SLMAP: variants seen among roughly 807,000 people sequenced by gnomAD.
SLMAP encodes sarcolemmal membrane-associated protein.
SLMAP carries 44 observed loss-of-function variants against 128.8 expected under a neutral mutation model. That is an observed-to-expected ratio of 0.34 (90% CI 0.27 to 0.44). SLMAP has a LOEUF of 0.44. Ranked by LOEUF, SLMAP falls within the 20% of genes least tolerant of loss-of-function variation. The pLI is 1.00. For synonymous variants in SLMAP, 327 were observed against 348.8 expected, an observed-to-expected ratio of 0.94 and a Z score of 0.70; for missense variants, 787 against 985.3, an observed-to-expected ratio of 0.80 and a Z score of 2.69.
intron 22 of SLMAP, 27 bp downstream of exon 22, chr3:57,917,104 A>T: frequency 1.9e-6 from 3 of 1,613,026 alleles, no homozygotes; most frequent in Non-Finnish European, 2.5e-6. Context: ...TTATGAGCCC[A>T]ATTATGGTTG....
intron 17 of SLMAP, among the ~76,000 whole-genome samples, chr3:57,902,664 A>G (rs967759136): frequency 6.6e-6 from 1 of 152,198 alleles, no homozygotes; most frequent in African/African-American, 2.4e-5. Flanking sequence ...GGCCTGAGAC[A>G]TTAAATATGG....
At chr3:57,764,516 AAG>A (rs1210550564) in intron 2 of SLMAP, among the ~76,000 whole-genome samples, 91 of 152,002 alleles carry the variant, frequency 6.0e-4, no homozygotes, top group African/African-American at 1.8e-3. Context: ...AAAAAAAGAA[AAG>A]AAAAGAAAGA....
intron 3 of SLMAP, among the ~76,000 whole-genome samples, chr3:57,839,535 G>T (rs1261246788): frequency 6.8e-6 from 1 of 147,050 alleles, no homozygotes; most frequent in Non-Finnish European, 1.5e-5. Context: ...TCGCCTCCCA[G>T]GTTCAAGCAG....
rs1044662781 is a variant in SLMAP, at chr3:57,868,836, T to A, written c.1238-2800T>A. Among the ~76,000 whole-genome samples the A allele has an allele frequency of 5.8e-3, 816 of 139,634 alleles. 6 individuals are homozygous for A. Among genetic ancestry groups the A allele is most frequent in the Non-Finnish European group, 0.01 (689 of 65,844 alleles). 91.6% of individuals were successfully genotyped at this position (139,634 alleles called of 152,430 possible). On this transcript the variant is annotated intron_variant, in intron 13 of 24. Coordinates refer to ENST00000671191, the MANE Select transcript of SLMAP (RefSeq NM_001377540.1). ...TATATATATATAAAATATATATATG[T>A]GTATTATATATAAAAATATATATTA...
At chr3:57,776,841 T>C (rs2082055547) in intron 2 of SLMAP, among the ~76,000 whole-genome samples, 1 of 152,078 alleles carries the variant, frequency 6.6e-6, no homozygotes, top group South Asian at 2.1e-4. Context: ...GTTTATTCTC[T>C]TAATATTTTG....
At chr3:57,802,574 G>A (rs2088798586) in intron 2 of SLMAP, among the ~76,000 whole-genome samples, 1 of 152,078 alleles carries the variant, frequency 6.6e-6, no homozygotes, top group African/African-American at 2.4e-5. Context: ...CCTGCTCTTT[G>A]TCTGTAACAG....
intron 6 of SLMAP, among the ~76,000 whole-genome samples, chr3:57,853,954 ATT>A (rs1491467468): frequency 0.11 from 4,564 of 40,494 alleles, 328 homozygotes; most frequent in East Asian, 0.19. Context: ...AAAAAAAAAA[ATT>A]ATATATATAT....
At chr3:57,853,415 T>C (rs1466001228) in intron 6 of SLMAP, among the ~76,000 whole-genome samples, 2 of 152,206 alleles carry the variant, frequency 1.3e-5, no homozygotes, top group African/African-American at 4.8e-5. Flanking sequence ...CCTCAAGTAC[T>C]ATGTTTGAAG....
chr3:57,871,955 T>G (rs545588115), intron 14 of SLMAP, among the ~76,000 whole-genome samples: 39 of 152,304 alleles, frequency 2.6e-4, no homozygotes, highest in African/African-American at 9.4e-4. Context: ...CTTGTTAAAT[T>G]TGAGGTTCTT....
intron 23 of SLMAP, among the ~76,000 whole-genome samples, chr3:57,924,336 A>T (rs1014596384): frequency 5.9e-5 from 9 of 151,810 alleles, no homozygotes; most frequent in African/African-American, 2.2e-4. Context: ...ACATGATTGA[A>T]AGCCCTGAGA....
intron 2 of SLMAP, among the ~76,000 whole-genome samples, chr3:57,767,647 A>G (rs946750289): frequency 6.6e-6 from 1 of 152,220 alleles, no homozygotes; most frequent in African/African-American, 2.4e-5. Context: ...CATTTGGTCT[A>G]TATAACACTC....
chr3:57,895,324 T>A (rs1217466563), intron 15 of SLMAP, among the ~76,000 whole-genome samples: 1 of 151,436 alleles, frequency 6.6e-6, no homozygotes, highest in African/African-American at 2.4e-5. Context: ...ATTTCAAAAC[T>A]TTTTTTTTCT....
intron 2 of SLMAP, among the ~76,000 whole-genome samples, chr3:57,794,555 A>G (rs7616078): frequency 0.017 from 2,569 of 152,224 alleles, 64 homozygotes; most frequent in African/African-American, 0.059. Context: ...CATCACTCCC[A>G]AAAGAAAGTT....
intron 2 of SLMAP, among the ~76,000 whole-genome samples, chr3:57,784,376 T>C (rs1327311074): frequency 6.6e-6 from 1 of 152,192 alleles, no homozygotes; most frequent in Non-Finnish European, 1.5e-5. Context: ...CCCAGGATTT[T>C]GGACATGGCG....
chr3:57,912,511 G>A lies in SLMAP; in HGVS notation c.1830G>A (p.Lys610=), dbSNP rs2096723141. ...EILLLHQAAA[K]VASERDTDIA... is the part of the protein sequence containing the mutation. Reference sequence around the variant, plus strand: ...TGCTCCTTCATCAAGCAGCAGCAAAGGTTGCCTCTGAGCGGGACACTGACA... The same window carrying A: ...TGCTCCTTCATCAAGCAGCAGCAAAAGTTGCCTCTGAGCGGGACACTGACA... Residue 610 remains lysine, a synonymous_variant, in exon 20 of 25, where the codon AAG becomes AAA. Coordinates refer to ENST00000671191, the MANE Select transcript of SLMAP (RefSeq NM_001377540.1). 1.2e-6 allele frequency: 2 copies of A among 1,614,058 alleles called. No homozygotes were observed. Among genetic ancestry groups the A allele is most frequent in the South Asian group, 2.2e-5 (2 of 91,090 alleles).
chr3:57,860,174 A>G (rs1166488375), intron 8 of SLMAP, among the ~76,000 whole-genome samples: 1 of 152,068 alleles, frequency 6.6e-6, no homozygotes, highest in Non-Finnish European at 1.5e-5. Flanking sequence ...TTTCTTATTG[A>G]TGCTCAAATT....
intron 2 of SLMAP, among the ~76,000 whole-genome samples, chr3:57,812,291 G>A (rs759015178): frequency 6.6e-6 from 1 of 152,106 alleles, no homozygotes; most frequent in Non-Finnish European, 1.5e-5. Context: ...TTTGTATGTG[G>A]ATATCCAGTT....
At chr3:57,919,749 C>T (rs575854462) in intron 22 of SLMAP, among the ~76,000 whole-genome samples, 6 of 151,308 alleles carry the variant, frequency 4.0e-5, no homozygotes, top group Admixed American at 2.0e-4. Context: ...AAGCCAAGAT[C>T]GCACCATTGC....
At chr3:57,795,415 T>C (rs773928916) in intron 2 of SLMAP, among the ~76,000 whole-genome samples, 56 of 152,228 alleles carry the variant, frequency 3.7e-4, no homozygotes, top group Admixed American at 6.5e-4. Context: ...GGCGCACACC[T>C]GTAGTCCCAG....
Sources: gnomAD v4.1 joint callset for allele counts (sites outside exome capture counted in the v4.1 genomes callset) on GRCh38, gnomAD v4.1.1 for gene constraint, MANE v1.5 for transcripts, NCBI Gene and HGNC (gene_info 2026-07-23, HGNC 2026-07-21) for gene names.